BMP6: variants seen among roughly 807,000 people sequenced by gnomAD.
BMP6 encodes the protein bone morphogenetic protein 6, also known as VG-1-R.
Under a neutral mutation model 54.1 loss-of-function variants are expected in BMP6, and 17 were observed. The observed-to-expected ratio is 0.31, with a 90% CI of 0.22 to 0.47. The LOEUF (loss-of-function observed/expected upper bound fraction) is 0.47, where lower values mean the gene tolerates loss of function less well. Among genes scored for constraint, BMP6 ranks in the 20% least tolerant of loss-of-function variants. BMP6 has a pLI of 1.00. For missense variants in BMP6, 720 were observed against 690.4 expected, an observed-to-expected ratio of 1.04 and a Z score of -0.48; for synonymous variants, 328 against 291.2, an observed-to-expected ratio of 1.13 and a Z score of -1.28.
At chr6:7,867,209 C>T (rs1812200592) in intron 4 of BMP6, among the ~76,000 whole-genome samples, 1 of 152,128 alleles carries the variant, frequency 6.6e-6, no homozygotes, top group African/African-American at 2.4e-5. Context: ...CCTCCTTTTC[C>T]CACCCCCAAA....
Position 7,756,241 on chromosome 6 carries a change from C to T in BMP6, c.664+28622C>T, listed in dbSNP as rs142645184. ...TGTGTTGTCTCATTTGGGCAAGTTT[C>T]TATTGCTAAGACATCAAGTTCACTA... On this transcript the variant is annotated intron_variant, in intron 1 of 6. Transcript: ENST00000283147. Among the ~76,000 whole-genome samples the T allele has an allele frequency of 3.7e-3, 566 of 152,054 alleles. 4 individuals carry two copies. The highest frequency in any genetic ancestry group is 0.022 in the East Asian group (114 of 5,176).
rs149027031 is a variant in BMP6 at position 7,874,982 on chromosome 6, G to A, written c.1205-4092G>A. Among the ~76,000 whole-genome samples, 26 of 152,180 alleles carry A rather than the reference G, an allele frequency of 1.7e-4. 1 individual carries two copies. The highest frequency in any genetic ancestry group is 5.3e-4 in the African/African-American group (22 of 41,526). On this transcript the variant is annotated intron_variant, in intron 4 of 6. Coordinates refer to ENST00000283147, the MANE Select transcript of BMP6 (RefSeq NM_001718.6). ...TATGGGAATTGACTCAGGCAATTAC[G>A]GAGGCCAAGAAGTCACATGAGCTGC... is the stretch of plus-strand genomic sequence containing the variant.
At chr6:7,822,337 C>G (rs1758624519) in intron 1 of BMP6, among the ~76,000 whole-genome samples, 1 of 152,144 alleles carries the variant, frequency 6.6e-6, no homozygotes, top group South Asian at 2.1e-4. Context: ...TTAAGCAGCC[C>G]TAGCATTTGA....
At chr6:7,733,670 T>C (rs1025469401) in intron 1 of BMP6, among the ~76,000 whole-genome samples, 1 of 152,222 alleles carries the variant, frequency 6.6e-6, no homozygotes, top group Non-Finnish European at 1.5e-5. Context: ...TTCCCTGTTT[T>C]CATCACGACA....
chr6:7,748,951 G>T (rs540273699), intron 1 of BMP6, among the ~76,000 whole-genome samples: 1 of 152,222 alleles, frequency 6.6e-6, no homozygotes, highest in Non-Finnish European at 1.5e-5. Flanking sequence ...GAGAAATCCT[G>T]TATTATTTAG....
intron 1 of BMP6, among the ~76,000 whole-genome samples, chr6:7,822,942 TAC>T (rs1758639007): frequency 6.7e-6 from 1 of 149,506 alleles, no homozygotes; most frequent in Non-Finnish European, 1.5e-5. Context: ...TGTGTGTGTG[TAC>T]ACACTGGTAA....
At chr6:7,825,557 C>T (rs1004036734) in intron 1 of BMP6, among the ~76,000 whole-genome samples, 25 of 152,030 alleles carry the variant, frequency 1.6e-4, no homozygotes, top group Middle Eastern at 6.8e-3. Context: ...CCCATCTCTA[C>T]TAAAAATACA....
At chr6:7,859,873 A>C (rs1335956435) in intron 2 of BMP6, among the ~76,000 whole-genome samples, 1 of 152,064 alleles carries the variant, frequency 6.6e-6, no homozygotes, top group African/African-American at 2.4e-5. Context: ...GAAAGACGAC[A>C]ATAGAGTTCC....
chr6:7,815,853 C>T (rs1184269263), intron 1 of BMP6, among the ~76,000 whole-genome samples: 1 of 152,106 alleles, frequency 6.6e-6, no homozygotes, highest in South Asian at 2.1e-4. Flanking sequence ...TGCTGGACTT[C>T]CTAATACAAC....
intron 1 of BMP6, among the ~76,000 whole-genome samples, chr6:7,749,648 A>G (rs1484058982): frequency 2.0e-5 from 3 of 152,116 alleles, no homozygotes; most frequent in South Asian, 2.1e-4. Flanking sequence ...TTATGTCACC[A>G]TATGTGTGGG....
chr6:7,758,122 A>G (rs1757554885), intron 1 of BMP6, among the ~76,000 whole-genome samples: 1 of 152,230 alleles, frequency 6.6e-6, no homozygotes, highest in Non-Finnish European at 1.5e-5. Context: ...ATGCCCCTGC[A>G]TGGGGAAGAT....
At chr6:7,734,802 G>C (rs1581225262) in intron 1 of BMP6, among the ~76,000 whole-genome samples, 1 of 152,160 alleles carries the variant, frequency 6.6e-6, no homozygotes, top group East Asian at 1.9e-4. Context: ...TTAATTCCTT[G>C]ATGGGTCCCC....
At chr6:7,809,682 C>T (rs1013044472) in intron 1 of BMP6, among the ~76,000 whole-genome samples, 1 of 152,138 alleles carries the variant, frequency 6.6e-6, no homozygotes, top group African/African-American at 2.4e-5. Context: ...GTAAAATAGG[C>T]GAACATGGTT....
intron 1 of BMP6, among the ~76,000 whole-genome samples, chr6:7,731,588 C>A (rs1418082997): frequency 6.6e-6 from 1 of 152,204 alleles, no homozygotes; most frequent in Non-Finnish European, 1.5e-5. Context: ...ATGGAAGATG[C>A]TTTGAAAAGG....
Position 7,771,904 on chromosome 6 carries a change from T to G in BMP6, c.664+44285T>G, listed in dbSNP as rs573535385. On this transcript the variant is annotated intron_variant, in intron 1 of 6. Coordinates refer to ENST00000283147, the MANE Select transcript of BMP6 (RefSeq NM_001718.6). The stretch of plus-strand genomic sequence containing the variant: ...CCTGTCTCTACTAAAAATACAAAAA[T>G]TAGCCAGGCGTGATGGTGGGTGCCT... Among the ~76,000 whole-genome samples the G allele has an allele frequency of 2.0e-5, 3 of 152,024 alleles. No homozygotes were observed. The East Asian group carries it at 5.8e-4, about 29-fold the overall frequency.
At chr6:7,859,421 G>C (rs761770479) in intron 2 of BMP6, among the ~76,000 whole-genome samples, 2 of 152,010 alleles carry the variant, frequency 1.3e-5, no homozygotes, top group African/African-American at 2.4e-5. Flanking sequence ...CCCGCCTTGA[G>C]GGCAGCCTTA....
intron 1 of BMP6, among the ~76,000 whole-genome samples, chr6:7,827,933 G>A (rs183952386): frequency 2.6e-5 from 4 of 152,296 alleles, no homozygotes; most frequent in Admixed American, 6.5e-5. Context: ...AAATGACAGC[G>A]TTCAGGTAGG....
At chr6:7,781,280 G>A (rs1002672611) in intron 1 of BMP6, among the ~76,000 whole-genome samples, 1 of 152,222 alleles carries the variant, frequency 6.6e-6, no homozygotes, top group Non-Finnish European at 1.5e-5. Context: ...GAAAGATTGA[G>A]TGATGTGCTA....
At chr6:7,760,866 G>A (rs1030348688) in intron 1 of BMP6, among the ~76,000 whole-genome samples, 2 of 152,236 alleles carry the variant, frequency 1.3e-5, no homozygotes, top group African/African-American at 2.4e-5. Context: ...AATAAGTGCT[G>A]TTATGCGGAG....
Sources: gnomAD v4.1 joint callset for allele counts (sites outside exome capture counted in the v4.1 genomes callset) on GRCh38, gnomAD v4.1.1 for gene constraint, MANE v1.5 for transcripts, NCBI Gene and HGNC (gene_info 2026-07-23, HGNC 2026-07-21) for gene names.